ADAM9: variants seen among roughly 807,000 people sequenced by gnomAD.
ADAM9 encodes the protein ADAM metallopeptidase domain 9.
In ADAM9, 54 loss-of-function variants were observed where a neutral mutation model predicts 108.1. The observed-to-expected ratio is 0.50, with a 90% CI of 0.40 to 0.63. ADAM9 has a LOEUF of 0.63. ADAM9 is among the 20% of genes least tolerant of loss of function. ADAM9 has a pLI of 0.00. For synonymous variants in ADAM9, 316 were observed against 336.0 expected, an observed-to-expected ratio of 0.94 and a Z score of 0.65; for missense variants, 830 against 997.7, an observed-to-expected ratio of 0.83 and a Z score of 2.26.
intron 14 of ADAM9, among the ~76,000 whole-genome samples, chr8:39,061,203 A>G (rs1337009519): frequency 6.6e-6 from 1 of 152,202 alleles, no homozygotes; most frequent in Non-Finnish European, 1.5e-5. Context: ...TCCTAGGTAG[A>G]GGCAGTTCTA....
chr8:39,034,361 A>G (rs1432348760), intron 11 of ADAM9, among the ~76,000 whole-genome samples: 1 of 152,198 alleles, frequency 6.6e-6, no homozygotes, highest in Non-Finnish European at 1.5e-5. Context: ...CAAAGGCTAT[A>G]TCGTGCCTTA....
intron 12 of ADAM9, among the ~76,000 whole-genome samples, chr8:39,049,731 G>A (rs960431595): frequency 9.9e-5 from 15 of 152,104 alleles, no homozygotes; most frequent in African/African-American, 3.4e-4. Context: ...GAGCCACTGC[G>A]CCCGGCCTAT....
chr8:39,089,954 A>C (rs1839295227), intron 18 of ADAM9, 93 bp from the exon 19 acceptor site: 1 of 1,295,586 alleles, frequency 7.7e-7, no homozygotes, highest in African/African-American at 1.5e-5. Context: ...ATTTTTGAGT[A>C]ATGTGAAAAT....
intron 14 of ADAM9, among the ~76,000 whole-genome samples, 166 bp from the exon 15 acceptor site, chr8:39,071,132 G>T (rs7005887): frequency 0.12 from 17,922 of 152,242 alleles, 1,168 homozygotes; most frequent in Middle Eastern, 0.28. Flanking sequence ...CATATGAAAT[G>T]TGGAACAAAA....
chr8:39,018,368 A>G (rs1836616032), intron 6 of ADAM9, among the ~76,000 whole-genome samples: 1 of 152,184 alleles, frequency 6.6e-6, no homozygotes, highest in Non-Finnish European at 1.5e-5. Context: ...AAAACTAGTC[A>G]TTTTTTAAAA....
At chr8:39,029,665 C>T (rs1564269678) in intron 11 of ADAM9, among the ~76,000 whole-genome samples, 1 of 152,184 alleles carries the variant, frequency 6.6e-6, no homozygotes, top group Non-Finnish European at 1.5e-5. Flanking sequence ...ATCCTTGATT[C>T]TGTTAACGTG....
At chr8:39,056,314 C>T (rs900310554) in intron 14 of ADAM9, among the ~76,000 whole-genome samples, 4 of 152,152 alleles carry the variant, frequency 2.6e-5, no homozygotes, top group African/African-American at 9.6e-5. Context: ...CTGTTCCCAC[C>T]CACTATTCCC....
At chr8:39,057,039 A>T (rs1409159427) in intron 14 of ADAM9, among the ~76,000 whole-genome samples, 1 of 152,174 alleles carries the variant, frequency 6.6e-6, no homozygotes, top group African/African-American at 2.4e-5. Context: ...ATATGTTTAG[A>T]TACCTTTTCT....
intron 8 of ADAM9, among the ~76,000 whole-genome samples, chr8:39,022,882 T>C (rs140954145): frequency 0.024 from 3,709 of 152,080 alleles, 170 homozygotes; most frequent in African/African-American, 0.085. Context: ...CCCAGCTAAT[T>C]TTTGTATTTT....
chr8:39,034,814 T>G (rs1417555447), intron 11 of ADAM9, among the ~76,000 whole-genome samples: 1 of 152,206 alleles, frequency 6.6e-6, no homozygotes, highest in African/African-American at 2.4e-5. Context: ...TTAAACTTTT[T>G]TTTTTGACGT....
At chr8:39,037,527 A>G (rs1837324613) in intron 11 of ADAM9, among the ~76,000 whole-genome samples, 2 of 140,936 alleles carry the variant, frequency 1.4e-5, no homozygotes, top group African/African-American at 5.3e-5. Flanking sequence ...CTGCAGCCTT[A>G]AACTCCTCCC....
chr8:39,017,521 AT>A (rs1836577077), intron 6 of ADAM9, 107 bp downstream of exon 6: 3 of 1,165,824 alleles, frequency 2.6e-6, no homozygotes, highest in Middle Eastern at 4.8e-4. Flanking sequence ...TCTTTTCTTA[AT>A]TTTGCCAAAT....
At position 39,101,903 on chromosome 8, in the gene ADAM9, C is replaced by G. The variant is rs752432927; in HGVS notation, c.2339C>G (p.Ala780Gly). 1 of 1,613,628 alleles carries G rather than the reference C, an allele frequency of 6.2e-7. No individual in the cohort carries two copies. The highest frequency in any genetic ancestry group is 1.3e-5 in the African/African-American group (1 of 74,850). The change falls in exon 21 of 22, where the codon GCC (alanine) becomes GGC (glycine). Residue 780 changes from alanine to glycine, a missense_variant. Coordinates refer to ENST00000487273, the MANE Select transcript of ADAM9 (RefSeq NM_003816.3). ...ANRFAVPTYA[A>G]KQPQQFPSRP... ...AGATTTGCAGTACCAACCTATGCAG[C>G]CAAGCAACCTCAGCAGTTCCCATCA...
In ADAM9 at chr8:39,021,713, G is replaced by A; in HGVS notation, c.743G>A (p.Ser248Asn). Residue 248 changes from serine to asparagine, a missense_variant and splice_region_variant, in exon 8 of 22, where the codon AGT (serine) becomes AAT (asparagine). Transcript: ENST00000487273. ...EMILLANYLD[S>N]MYIMLNIRIV... is the part of the protein sequence containing the mutation. ...ATTCTCCTGGCAAACTACTTGGATA[G>A]TGTAAGTTGTATTTTCTATCAACCA... is the stretch of plus-strand genomic sequence containing the variant. 6.2e-7 allele frequency: 1 copy of A among 1,611,486 alleles called. No homozygotes were observed. Among genetic ancestry groups the A allele is most frequent in the South Asian group, 1.1e-5 (1 of 91,020 alleles).
At chr8:39,003,829 G>A (rs756603717) in intron 1 of ADAM9, among the ~76,000 whole-genome samples, 1 of 152,020 alleles carries the variant, frequency 6.6e-6, no homozygotes, top group Non-Finnish European at 1.5e-5. Context: ...GATTAGTTAC[G>A]GCATTTTGCT....
chr8:39,065,079 C>G (rs2129440355), intron 14 of ADAM9, among the ~76,000 whole-genome samples: 1 of 151,772 alleles, frequency 6.6e-6, no homozygotes, highest in Non-Finnish European at 1.5e-5. Context: ...AAATTTCTTC[C>G]CTTTCATTTT....
intron 18 of ADAM9, among the ~76,000 whole-genome samples, chr8:39,083,382 C>T (rs766543302): frequency 6.6e-6 from 1 of 152,142 alleles, no homozygotes; most frequent in African/African-American, 2.4e-5. Context: ...ATTTTGTCAG[C>T]GTCTTGCTTT....
chr8:39,037,047 G>GATCT (rs1837298992), intron 11 of ADAM9, among the ~76,000 whole-genome samples: 1 of 132,562 alleles, frequency 7.5e-6, no homozygotes, highest in Admixed American at 8.2e-5. Context: ...GCCTGCGCAA[G>GATCT]TTCTTTTTTT....
intron 15 of ADAM9, chr8:39,076,154 C>T (rs1248643225): frequency 6.6e-6 from 1 of 152,140 alleles, no homozygotes; most frequent in Non-Finnish European, 1.5e-5. Context: ...CAGGCTGTCA[C>T]TGAAATTTCA....
Sources: gnomAD v4.1 joint callset for allele counts (sites outside exome capture counted in the v4.1 genomes callset) on GRCh38, gnomAD v4.1.1 for gene constraint, MANE v1.5 for transcripts, NCBI Gene and HGNC (gene_info 2026-07-23, HGNC 2026-07-21) for gene names.